HTATSF1: variants seen among roughly 807,000 people sequenced by gnomAD.
HTATSF1 encodes the protein HIV-1 Tat specific factor 1, also known as 17S U2 SnRNP complex component HTATSF1.
A neutral mutation model predicts 46.1 loss-of-function variants in HTATSF1; 6 were observed. That is an observed-to-expected ratio of 0.13 (90% CI 0.07 to 0.26). The LOEUF (loss-of-function observed/expected upper bound fraction) is 0.26. HTATSF1 is among the 10% of genes least tolerant of loss of function. HTATSF1 has a pLI of 1.00. For missense variants in HTATSF1, 452 were observed against 559.9 expected, an observed-to-expected ratio of 0.81 and a Z score of 1.94; for synonymous variants, 226 against 211.5, an observed-to-expected ratio of 1.07 and a Z score of -0.60.
At chrX:136,505,475 T>C (rs2075737775) in intron 6 of HTATSF1, among the ~76,000 whole-genome samples, 1 of 112,305 alleles carries the variant, frequency 8.9e-6, no homozygotes, top group African/African-American at 3.2e-5. Flanking sequence ...TTGATTGATA[T>C]CTCTTCTGAC....
In HTATSF1 at chrX:136,512,179, T is replaced by A. The variant is rs2075772750; in HGVS notation, c.*166T>A. 1.2e-5 allele frequency: 5 copies of A among 430,504 alleles called. No individual in the cohort carries two copies. 35.5% of individuals were successfully genotyped at this position (430,504 alleles called of 1,213,427 possible). A position where few individuals can be genotyped will look rare whatever the true frequency, so the allele number is the denominator to read the frequency against. On this transcript the variant is annotated 3_prime_UTR_variant, in exon 9 of 9. Coordinates refer to ENST00000218364, the MANE Select transcript of HTATSF1 (RefSeq NM_014500.5). ...TGTACCTAATGGTTTTAAATATATG[T>A]TAATTGATTGTTTAGTTAAAATGTC...
chrX:136,511,478 G>A lies in HTATSF1; in HGVS notation c.1733G>A (p.Gly578Asp), dbSNP rs764443957. ...CTCGAGAAAGATTTGGACGAGGAAG[G>A]TTCTGAAAAGGAGCTTCATGAAAAT... ...NGLEKDLDEEGSEKELHENVL... is the reference protein window; with the variant it reads ...NGLEKDLDEEDSEKELHENVL... The change falls in exon 9 of 9, where the codon GGT becomes GAT. Residue 578 changes from glycine (G) to aspartate (D), a missense_variant. Gly to Asp is a moderately conservative substitution (Grantham distance 94, BLOSUM62 -1). This residue lies in a region of HTATSF1 where 246 missense variants were observed against 245.3 expected (regional missense o/e 1.00). Transcript: ENST00000218364. 6 of 1,206,705 alleles carry A rather than the reference G, an allele frequency of 5.0e-6. No homozygotes were observed. The African/African-American group carries it at 7.0e-5, about 14-fold the overall frequency.
In HTATSF1 at chrX:136,506,926, T is replaced by A. The variant is rs967053970; in HGVS notation, c.835-2165T>A. On this transcript the variant is annotated intron_variant, in intron 6 of 8. Transcript: ENST00000218364. ...TTAATTAAAATGAAATAAAATTCAG[T>A]TCATCGCTTCTACTAGGCACATGTA... Among the ~76,000 whole-genome samples, 3 of 112,632 alleles carry A rather than the reference T, an allele frequency of 2.7e-5. No homozygotes were observed. The Admixed American group carries it at 2.8e-4, about 11-fold the overall frequency.
intron 6 of HTATSF1, among the ~76,000 whole-genome samples, chrX:136,504,978 C>T (rs1280552020): frequency 8.9e-6 from 1 of 112,221 alleles, no homozygotes; most frequent in Non-Finnish European, 1.9e-5. Flanking sequence ...GTTAATGGAA[C>T]TGTCCTTCCT....
rs759063219 is a variant in HTATSF1, at chrX:136,502,733, T to A, written c.571-45T>A. On this transcript the variant is annotated intron_variant, in intron 4 of 8. Transcript: ENST00000218364. ...TTCATCTAAAAAACTCCTGAAGTTT[T>A]ATTTCGTTGTATAACTGACTATATT... 4.6e-6 allele frequency: 4 copies of A among 868,888 alleles called. No homozygotes were observed. In the East Asian group the frequency reaches 1.5e-4, roughly 32 times the overall value. 71.6% of individuals were successfully genotyped at this position (868,888 alleles called of 1,213,427 possible). A position where few individuals can be genotyped will look rare whatever the true frequency, so the allele number is the denominator to read the frequency against.
chrX:136,511,265 C>G lies in HTATSF1; in HGVS notation c.1520C>G (p.Thr507Arg). 1 of 1,209,086 alleles carries G rather than the reference C, an allele frequency of 8.3e-7. No homozygotes were observed. The highest frequency in any genetic ancestry group is 1.7e-5 in the African/African-American group (1 of 57,448). Residue 507 changes from threonine to arginine, a missense_variant, in exon 9 of 9, where the codon ACA (threonine) becomes AGA (arginine). Transcript: ENST00000218364. ...DSPKKESKKK[T>R]LKNDCEENGL... ...CCTAAAAAAGAGTCTAAAAAGAAGA[C>G]ACTCAAAAATGATTGTGAAGAGAAT...
chrX:136,497,551 G>A (rs775402470), upstream of HTATSF1: 1,991 of 449,442 alleles, frequency 4.4e-3, 4 homozygotes, highest in Non-Finnish European at 6.1e-3. Flanking sequence ...GACTGCTGGG[G>A]CGCAGCGGGG....
chrX:136,512,074 A>G lies in HTATSF1; in HGVS notation c.*61A>G, dbSNP rs1318556391. The G allele has an allele frequency of 4.6e-6, 5 of 1,086,096 alleles. No individual in the cohort carries two copies. Among genetic ancestry groups the G allele is most frequent in the Non-Finnish European group, 6.2e-6 (5 of 809,874 alleles). The allele number at this position is 1,086,096 out of a possible 1,213,427, so 89.5% of individuals were successfully genotyped here. On this transcript the variant is annotated 3_prime_UTR_variant, in exon 9 of 9. Coordinates refer to ENST00000218364, the MANE Select transcript of HTATSF1 (RefSeq NM_014500.5). ...CTACATTTGCCTGTGCTTCAGGGTA[A>G]TTACTAGTAGTGTTACATGAACATG...
chrX:136,500,724 T>C lies in HTATSF1; in HGVS notation c.476T>C (p.Ile159Thr). 1 of 1,139,313 alleles carries C rather than the reference T, an allele frequency of 8.8e-7. No individual in the cohort carries two copies. Among genetic ancestry groups the C allele is most frequent in the Non-Finnish European group, 1.2e-6 (1 of 853,698 alleles). The allele number at this position is 1,139,313 out of a possible 1,213,427, so 93.9% of individuals were successfully genotyped here. A position where few individuals can be genotyped will look rare whatever the true frequency, so the allele number is the denominator to read the frequency against. The stretch of plus-strand genomic sequence containing the variant: ...CAACTTATGTCCAAGTTTGGCATTA[T>C]TATGAGAGATCCTCAGACAGAAGAA... ...FIQLMSKFGI[I>T]MRDPQTEEFK... Residue 159 changes from isoleucine (I) to threonine (T), a missense_variant, in exon 4 of 9, where the codon ATT (isoleucine) becomes ACT (threonine). Around this residue, in one of 3 missense-constraint regions of HTATSF1, gnomAD observed 117 missense variants for 222.2 expected, o/e 0.53. Transcript: ENST00000218364.
chrX:136,499,311 G>C (rs184302007), intron 1 of HTATSF1, among the ~76,000 whole-genome samples: 1 of 112,220 alleles, frequency 8.9e-6, no homozygotes, highest in African/African-American at 3.2e-5. Flanking sequence ...ATTAATAAAT[G>C]AAACAACTAG....
Position 136,511,886 on chromosome X carries a change from G to A in HTATSF1, c.2141G>A (p.Ser714Asn), listed in dbSNP as rs2075770798. The A allele has an allele frequency of 2.5e-6, 3 of 1,211,873 alleles. No homozygotes were observed. The East Asian group carries it at 8.9e-5, about 36-fold the overall frequency. ...TTGTTTGATGAGGAGGAAGATTCCA[G>A]TGAGAAGTTGTTTGACGATTCTGAT... ...EKLFDEEEDSSEKLFDDSDER... is the reference protein window; with the variant it reads ...EKLFDEEEDSNEKLFDDSDER... Residue 714 changes from serine to asparagine, a missense_variant, in exon 9 of 9, where the codon AGT (serine) becomes AAT (asparagine). By Grantham distance (46) the Ser-to-Asn change is conservative. Transcript: ENST00000218364.
At chrX:136,507,630 A>G in intron 6 of HTATSF1, among the ~76,000 whole-genome samples, 2 of 110,233 alleles carry the variant, frequency 1.8e-5, no homozygotes, top group South Asian at 7.7e-4. Flanking sequence ...GCCTACCCCC[A>G]CCATGGAATC....
At position 136,497,712 on chromosome X, in the gene HTATSF1, G is replaced by C. The variant is rs371081750; in HGVS notation, c.28G>C (p.Asp10His). The C allele has an allele frequency of 1.2e-5, 14 of 1,200,477 alleles. No individual in the cohort carries two copies. The highest frequency in any genetic ancestry group is 1.6e-5 in the Non-Finnish European group (14 of 887,088). Residue 10 changes from aspartate (D) to histidine (H), a missense_variant, in exon 1 of 9, where the codon GAT becomes CAT. Transcript: ENST00000218364. MSGTNLDGN[D>H]EFDEQLRMQE... ...GAGCGGCACCAACTTGGATGGGAAC[G>C]ATGAGTTTGATGAGCAGTTGCGAAT...
At position 136,505,716 on chromosome X, in the gene HTATSF1, C is replaced by T. The variant is rs756398028; in HGVS notation, c.834+1253C>T. On this transcript the variant is annotated intron_variant, in intron 6 of 8. Transcript: ENST00000218364. Reference sequence around the variant, plus strand: ...CTGATTCAGGAGAATCACCTGAACCCGGTAGGCAGAGGTTATGGTAAGATC... The same window carrying T: ...CTGATTCAGGAGAATCACCTGAACCTGGTAGGCAGAGGTTATGGTAAGATC... Among the ~76,000 whole-genome samples, 17 of 111,444 alleles carry T rather than the reference C, an allele frequency of 1.5e-4. No homozygotes were observed. The East Asian group carries it at 4.5e-3, about 29-fold the overall frequency.
At chrX:136,510,784 A>T (rs1282072137) in intron 8 of HTATSF1, 24 bp from the exon 9 acceptor site, 13 of 1,162,831 alleles carry the variant, frequency 1.1e-5, no homozygotes, top group African/African-American at 1.8e-5. Context: ...ACTTATTTTA[A>T]TGGCAGTCTC....
At chrX:136,507,490 G>A (rs776857689) in intron 6 of HTATSF1, among the ~76,000 whole-genome samples, 15 of 109,617 alleles carry the variant, frequency 1.4e-4, no homozygotes, top group African/African-American at 4.0e-4. Context: ...GAATCCGGGA[G>A]GCAGAGGCTG....
At chrX:136,504,943 A>G (rs187427756) in intron 6 of HTATSF1, among the ~76,000 whole-genome samples, 115 of 112,406 alleles carry the variant, frequency 1.0e-3, no homozygotes, top group African/African-American at 3.5e-3. Flanking sequence ...TTATGTATCA[A>G]CTTTTTTAAG....
In HTATSF1 at chrX:136,510,801, T is replaced by A; in HGVS notation, c.1063-7T>A. Reference sequence around the variant, plus strand: ...TTATTTTAATGGCAGTCTCCATTTATCCACAGGTGGAGGAAACCTCAAGAG... The same window carrying A: ...TTATTTTAATGGCAGTCTCCATTTAACCACAGGTGGAGGAAACCTCAAGAG... On this transcript the variant is annotated splice_region_variant and splice_polypyrimidine_tract_variant and intron_variant, in intron 8 of 8. Coordinates refer to ENST00000218364, the MANE Select transcript of HTATSF1 (RefSeq NM_014500.5). 1.7e-6 allele frequency: 2 copies of A among 1,181,943 alleles called. No homozygotes were observed. Among genetic ancestry groups the A allele is most frequent in the Non-Finnish European group, 2.3e-6 (2 of 884,104 alleles).
rs1353412422 is a variant in HTATSF1 at position 136,505,114 on chromosome X, A to C, written c.834+651A>C. Among the ~76,000 whole-genome samples, 5 of 112,046 alleles carry C rather than the reference A, an allele frequency of 4.5e-5. No homozygotes were observed. In the East Asian group the frequency reaches 1.4e-3, roughly 31 times the overall value. On this transcript the variant is annotated intron_variant, in intron 6 of 8. Coordinates refer to ENST00000218364, the MANE Select transcript of HTATSF1 (RefSeq NM_014500.5). Reference sequence around the variant, plus strand: ...CTGTCTACTGGTGTAGACTGACTTTATTGTTGTGGAGAAACAACTCTTTAT... The same window carrying C: ...CTGTCTACTGGTGTAGACTGACTTTCTTGTTGTGGAGAAACAACTCTTTAT...
Sources: allele counts gnomAD v4.1 joint callset (sites outside exome capture counted in the v4.1 genomes callset), GRCh38; gene constraint gnomAD v4.1.1; regional missense constraint gnomAD v4.1.1; transcripts MANE v1.5; gene names NCBI Gene and HGNC (gene_info 2026-07-23, HGNC 2026-07-21).